Variants in RAB11FIP3 observed in about 807,000 individuals in gnomAD.
RAB11FIP3 encodes the protein rab11 family-interacting protein 3.
In RAB11FIP3, 17 loss-of-function variants were observed where a neutral mutation model predicts 77.8. The ratio of observed to expected loss-of-function variants is 0.22; its 90% CI spans 0.15 to 0.33. The LOEUF (loss-of-function observed/expected upper bound fraction) is 0.33. Ranked by LOEUF, RAB11FIP3 falls within the 10% of genes least tolerant of loss-of-function variation. The pLI, the probability that RAB11FIP3 is intolerant of heterozygous loss-of-function variation, is 1.00. For synonymous variants in RAB11FIP3, 437 were observed against 448.2 expected (o/e 0.98, Z 0.31); for missense variants, 1,005 against 1,011.2 (o/e 0.99, Z 0.08).
Position 436,385 on chromosome 16 carries a change from G to A in RAB11FIP3, c.714+9665G>A, listed in dbSNP as rs145080412. ...AGTGGTGTGATCATGGTTCACTGCA[G>A]CCTTGAAGTCCTGGGGTGGGTTCAA... On this transcript the variant is annotated intron_variant, in intron 1 of 13. Coordinates refer to ENST00000262305, the MANE Select transcript of RAB11FIP3 (RefSeq NM_014700.4). 4.7e-3 allele frequency among the ~76,000 whole-genome samples: 713 copies of A among 152,290 alleles called. 3 individuals are homozygous for A. Among genetic ancestry groups the A allele is most frequent in the Non-Finnish European group, 7.3e-3 (494 of 68,026 alleles).
chr16:456,747 ACT>A (rs2055510673), intron 1 of RAB11FIP3, among the ~76,000 whole-genome samples: 1 of 152,114 alleles, frequency 6.6e-6, no homozygotes, highest in Non-Finnish European at 1.5e-5. Context: ...ACGGAGTGAG[ACT>A]CCATCTCAAC....
intron 8 of RAB11FIP3, among the ~76,000 whole-genome samples, chr16:509,123 C>T (rs2032014929): frequency 6.6e-6 from 1 of 152,170 alleles, no homozygotes; most frequent in African/African-American, 2.4e-5. Flanking sequence ...AGGCTGGTCT[C>T]GAACTCCTGA....
At chr16:492,434 A>T (rs1567392237) in intron 5 of RAB11FIP3, among the ~76,000 whole-genome samples, 17 of 138,890 alleles carry the variant, frequency 1.2e-4, no homozygotes, top group African/African-American at 4.7e-4. Flanking sequence ...TCCCCGGGAG[A>T]CCCGAGGCCG....
chr16:468,684 T>C (rs1412593767), intron 2 of RAB11FIP3, among the ~76,000 whole-genome samples: 3 of 152,076 alleles, frequency 2.0e-5, no homozygotes, highest in Admixed American at 6.6e-5. Context: ...GTTTCAGGAA[T>C]AGAATGAGAT....
At chr16:495,271 G>C (rs138073156) in intron 5 of RAB11FIP3, among the ~76,000 whole-genome samples, 1 of 152,272 alleles carries the variant, frequency 6.6e-6, no homozygotes, top group East Asian at 1.9e-4. Context: ...GCCACCCAGG[G>C]CCGGGGCAGA....
intron 5 of RAB11FIP3, among the ~76,000 whole-genome samples, chr16:492,461 GGGAGACCCGA>G (rs2030578369): frequency 5.5e-5 from 2 of 36,312 alleles, no homozygotes; most frequent in Admixed American, 2.1e-4. Context: ...GCCCTTCCCG[GGGAGACCCGA>G]GGCCGCCCAG....
chr16:432,578 T>C (rs1420901044), intron 1 of RAB11FIP3, among the ~76,000 whole-genome samples: 2 of 151,350 alleles, frequency 1.3e-5, no homozygotes, highest in Non-Finnish European at 2.9e-5. Flanking sequence ...GAATCTGCTT[T>C]TTGACCTGGT....
intron 4 of RAB11FIP3, among the ~76,000 whole-genome samples, chr16:484,305 C>T (rs550013615): frequency 6.6e-6 from 1 of 152,252 alleles, no homozygotes; most frequent in Non-Finnish European, 1.5e-5. Flanking sequence ...ACAGGGAGGT[C>T]CTTCCTGTGC....
chr16:462,395 A>T (rs1358773162), intron 2 of RAB11FIP3, among the ~76,000 whole-genome samples: 1 of 152,090 alleles, frequency 6.6e-6, no homozygotes, highest in Non-Finnish European at 1.5e-5. Context: ...TACAAAACAT[A>T]TAAAAATTTT....
chr16:445,136 A>G (rs1463049493), intron 1 of RAB11FIP3, among the ~76,000 whole-genome samples: 2 of 143,324 alleles, frequency 1.4e-5, no homozygotes, highest in African/African-American at 2.7e-5. Context: ...AAAAAAGAAA[A>G]AAAGATTGGG....
At chr16:502,645 T>G in intron 6 of RAB11FIP3, 1 of 315,748 alleles carries the variant, frequency 3.2e-6, no homozygotes. Context: ...AGAGACGAGA[T>G]TGTTCGTGTC....
At chr16:519,713 G>A (rs1364516464) in intron 10 of RAB11FIP3, 41 bp from the exon 11 acceptor site, 1 of 1,599,878 alleles carries the variant, frequency 6.3e-7, no homozygotes. Flanking sequence ...TGCACAGGTA[G>A]GTGCGTGACC....
At chr16:462,948 G>A (rs940551305) in intron 2 of RAB11FIP3, among the ~76,000 whole-genome samples, 1 of 152,086 alleles carries the variant, frequency 6.6e-6, no homozygotes, top group South Asian at 2.1e-4. Flanking sequence ...TGCTTGTGCC[G>A]TATTTCGTTT....
At chr16:495,705 G>A (rs2031064028) in intron 5 of RAB11FIP3, among the ~76,000 whole-genome samples, 1 of 152,186 alleles carries the variant, frequency 6.6e-6, no homozygotes, top group African/African-American at 2.4e-5. Flanking sequence ...AGAGCTGAGG[G>A]GCTCTACGTT....
At chr16:519,935 G>T (rs962845310) in intron 11 of RAB11FIP3, 44 bp downstream of exon 11, 4 of 1,536,800 alleles carry the variant, frequency 2.6e-6, no homozygotes, top group Non-Finnish European at 2.6e-6. Flanking sequence ...CGCCCAGCCT[G>T]CCCCACGGGG....
chr16:510,104 G>GA, intron 8 of RAB11FIP3, among the ~76,000 whole-genome samples: 1 of 144,616 alleles, frequency 6.9e-6, no homozygotes, highest in Admixed American at 6.9e-5. Context: ...GCCCCGTCCC[G>GA]AGTCCCCGTG....
At chr16:440,070 G>T (rs1016018914) in intron 1 of RAB11FIP3, among the ~76,000 whole-genome samples, 4 of 151,996 alleles carry the variant, frequency 2.6e-5, no homozygotes, top group Non-Finnish European at 5.9e-5. Context: ...TCGATCTCCT[G>T]ACCTCATGAT....
intron 10 of RAB11FIP3, 38 bp downstream of exon 10, chr16:519,062 C>T: frequency 6.3e-7 from 1 of 1,593,772 alleles, no homozygotes. Context: ...GCCAGTGGGG[C>T]CAGCCCATGC....
Position 521,089 on chromosome 16 carries a change from GCCGT to G in RAB11FIP3, c.*253_*256del. ...CACAGAGGATGAGGGTTGTGGCAGG[GCCGT>G]CCATCAGCGCTGACCTTCCGGGGGC... is the stretch of plus-strand genomic sequence containing the variant. On this transcript the variant is annotated 3_prime_UTR_variant, in exon 14 of 14. Coordinates refer to ENST00000262305, the MANE Select transcript of RAB11FIP3 (RefSeq NM_014700.4). 1.8e-6 allele frequency: 1 copy of G among 565,406 alleles called. No homozygotes were observed. Among genetic ancestry groups the G allele is most frequent in the South Asian group, 2.1e-5 (1 of 47,564 alleles). 35.0% of individuals were successfully genotyped at this position (565,406 alleles called of 1,614,324 possible). A position where few individuals can be genotyped will look rare whatever the true frequency, so the allele number is the denominator to read the frequency against.
Sources: allele counts gnomAD v4.1 joint callset (sites outside exome capture counted in the v4.1 genomes callset), GRCh38; gene constraint gnomAD v4.1.1; transcripts MANE v1.5; gene names NCBI Gene and HGNC (gene_info 2026-07-23, HGNC 2026-07-21).